The following ESR1 variants were observed in gnomAD, a reference collection of about 807,000 sequenced individuals.
The protein encoded by ESR1 is estrogen receptor 1, also known as estrogen receptor.
A neutral mutation model predicts 52.7 loss-of-function variants in ESR1; 12 were observed. That is an observed-to-expected ratio of 0.23 (90% CI 0.15 to 0.37). The LOEUF (loss-of-function observed/expected upper bound fraction) is 0.37. ESR1 is among the 10% of genes least tolerant of loss of function. The probability of loss-of-function intolerance (pLI) is 1.00; values close to 1 mark genes in which losing one functional copy is unlikely to be tolerated. For missense variants in ESR1, 584 were observed against 779.7 expected, an observed-to-expected ratio of 0.75 and a Z score of 2.99; for synonymous variants, 305 against 316.8, an observed-to-expected ratio of 0.96 and a Z score of 0.39.
intron 2 of ESR1, among the ~76,000 whole-genome samples, chr6:151,794,422 A>G (rs1776494092): frequency 1.3e-5 from 2 of 152,236 alleles, no homozygotes; most frequent in Admixed American, 1.3e-4. Context: ...CACATTTGCC[A>G]TTTGAGTTCC....
chr6:152,091,363 G>A (rs372086757), intron 6 of ESR1, among the ~76,000 whole-genome samples: 1 of 152,224 alleles, frequency 6.6e-6, no homozygotes. Context: ...AGCATCTGCT[G>A]ACAAGGATGA....
At chr6:151,671,820 C>T (rs577945238) in intron 1 of ESR1, among the ~76,000 whole-genome samples, 7 of 151,846 alleles carry the variant, frequency 4.6e-5, no homozygotes, top group African/African-American at 9.7e-5. Flanking sequence ...AGTGAAACCT[C>T]GTCTCTACTA....
At chr6:151,923,873 T>G (rs2032181141) in intron 3 of ESR1, among the ~76,000 whole-genome samples, 1 of 152,202 alleles carries the variant, frequency 6.6e-6, no homozygotes, top group Non-Finnish European at 1.5e-5. Context: ...TTTAGCTTCA[T>G]AAGAAATTGC....
chr6:151,808,581 A>C (rs1778270156), intron 1 of ESR1, among the ~76,000 whole-genome samples: 1 of 152,122 alleles, frequency 6.6e-6, no homozygotes, highest in Admixed American at 6.5e-5. Context: ...GGCAGCTGAA[A>C]AAAACGTACT....
chr6:152,043,587 T>TAG (rs2045980405), intron 5 of ESR1, among the ~76,000 whole-genome samples: 1 of 152,176 alleles, frequency 6.6e-6, no homozygotes, highest in Non-Finnish European at 1.5e-5. Context: ...ACATCGTCTT[T>TAG]CCTGGCAACT....
chr6:152,030,294 C>A (rs187128941), intron 5 of ESR1, among the ~76,000 whole-genome samples: 7,262 of 152,150 alleles, frequency 0.048, 237 homozygotes, highest in East Asian at 0.13. Context: ...ACAATATTAA[C>A]CTTAAATGTA....
chr6:151,798,403 C>A (rs1776912970), intron 2 of ESR1, among the ~76,000 whole-genome samples: 1 of 152,090 alleles, frequency 6.6e-6, no homozygotes, highest in African/African-American at 2.4e-5. Context: ...GTGCCATTAG[C>A]CATTTATTAG....
intron 4 of ESR1, among the ~76,000 whole-genome samples, chr6:151,961,625 T>C (rs1406719082): frequency 6.6e-6 from 1 of 152,128 alleles, no homozygotes; most frequent in African/African-American, 2.4e-5. Context: ...TAGAGTGGGC[T>C]GCTTTGGGCA....
intron 5 of ESR1, among the ~76,000 whole-genome samples, chr6:152,040,063 TTC>T (rs762087630): frequency 1.7e-4 from 26 of 152,204 alleles, no homozygotes; most frequent in Non-Finnish European, 3.5e-4. Context: ...CAAACCACTG[TTC>T]TTTCTGTGAT....
downstream of ESR1, among the ~76,000 whole-genome samples, chr6:152,106,002 C>G (rs1156590164): frequency 1.3e-5 from 2 of 149,848 alleles, no homozygotes; most frequent in Non-Finnish European, 3.0e-5. Context: ...ACCTTGTTAG[C>G]CAGGATGGTC....
chr6:151,937,619 A>C (rs1392488157), intron 3 of ESR1, among the ~76,000 whole-genome samples: 2 of 152,206 alleles, frequency 1.3e-5, no homozygotes, highest in Non-Finnish European at 2.9e-5. Flanking sequence ...GGAGAGAAGG[A>C]AAGAACATTA....
chr6:152,079,858 T>C (rs2049048891), intron 6 of ESR1, among the ~76,000 whole-genome samples: 1 of 152,118 alleles, frequency 6.6e-6, no homozygotes. Flanking sequence ...CAAGCTTCGA[T>C]AGCTGATTTG....
chr6:151,686,923 C>T (rs550442155), upstream of ESR1, among the ~76,000 whole-genome samples: 90 of 152,338 alleles, frequency 5.9e-4, no homozygotes, highest in Non-Finnish European at 1.0e-3. Context: ...CTGCAATGTG[C>T]TCATGGGTCC....
At chr6:151,721,415 G>T (rs1186762270) in intron 2 of ESR1, among the ~76,000 whole-genome samples, 1 of 152,202 alleles carries the variant, frequency 6.6e-6, no homozygotes, top group Non-Finnish European at 1.5e-5. Context: ...TGTGGGTTTA[G>T]AAAGAGCATT....
At chr6:151,947,948 G>T (rs1385229813) in intron 4 of ESR1, among the ~76,000 whole-genome samples, 1 of 152,034 alleles carries the variant, frequency 6.6e-6, no homozygotes, top group Non-Finnish European at 1.5e-5. Flanking sequence ...TGTTTGCTCT[G>T]AAATTTGTTT....
upstream of ESR1, among the ~76,000 whole-genome samples, chr6:151,686,327 C>G (rs775744864): frequency 6.6e-6 from 1 of 151,998 alleles, no homozygotes; most frequent in Non-Finnish European, 1.5e-5. Flanking sequence ...GCTCCGTTGT[C>G]GAACACTCTA....
chr6:152,083,525 C>A (rs776744467), intron 6 of ESR1, among the ~76,000 whole-genome samples: 4 of 152,106 alleles, frequency 2.6e-5, no homozygotes, highest in African/African-American at 9.7e-5. Context: ...TACACAATAC[C>A]ATTCAGGACA....
chr6:151,676,110 A>G (rs1778241594), intron 1 of ESR1, among the ~76,000 whole-genome samples: 1 of 152,216 alleles, frequency 6.6e-6, no homozygotes, highest in Non-Finnish European at 1.5e-5. Context: ...AAGTAGGACA[A>G]AGAACTGGTG....
chr6:151,660,270 T>C (rs998593198), intron 1 of ESR1, among the ~76,000 whole-genome samples: 2 of 152,222 alleles, frequency 1.3e-5, no homozygotes, highest in Non-Finnish European at 2.9e-5. Flanking sequence ...CTCTTAACTT[T>C]GTGAGGCAGT....
Sources: allele counts gnomAD v4.1 joint callset (sites outside exome capture counted in the v4.1 genomes callset), GRCh38; gene constraint gnomAD v4.1.1; transcripts MANE v1.5; gene names NCBI Gene and HGNC (gene_info 2026-07-23, HGNC 2026-07-21).